TSPAN4: variants seen among roughly 807,000 people sequenced by gnomAD.
TSPAN4 encodes tetraspanin-4.
TSPAN4 carries 38 observed loss-of-function variants against 31.5 expected under a neutral mutation model. The observed-to-expected ratio is 1.21, with a 90% confidence interval of 0.93 to 1.58. The LOEUF (loss-of-function observed/expected upper bound fraction) is 1.58, where lower values mean the gene tolerates loss of function less well. Ranked by LOEUF, TSPAN4 falls within the 40% of genes most tolerant of loss-of-function variation. The pLI is 0.00. For synonymous variants in TSPAN4, 186 were observed against 144.6 expected (o/e 1.29, Z -2.06); for missense variants, 330 against 317.3 (o/e 1.04, Z -0.30).
chr11:864,825 G>C, intron 5 of TSPAN4: 2 of 504,318 alleles, frequency 4.0e-6, no homozygotes, highest in South Asian at 2.4e-5. Context: ...GCCGCGCACC[G>C]TGGGGTTCTC....
At chr11:843,715 C>T (rs997673864) in intron 1 of TSPAN4, 7 of 148,726 alleles carry the variant, frequency 4.7e-5, no homozygotes, top group African/African-American at 1.8e-4. Context: ...AAAGAAGGCT[C>T]CTTGGAGGTG....
intron 1 of TSPAN4, among the ~76,000 whole-genome samples, chr11:845,507 T>C (rs1260370135): frequency 6.6e-6 from 1 of 152,122 alleles, no homozygotes; most frequent in East Asian, 1.9e-4. Context: ...TATTTGGGAA[T>C]GTCACTGCCT....
chr11:862,393 C>G (rs1303554385), intron 3 of TSPAN4, 157 bp from the exon 4 acceptor site: 9 of 653,380 alleles, frequency 1.4e-5, no homozygotes, highest in Admixed American at 9.4e-5. Context: ...CTGGACACCC[C>G]CCCGGGCTGC....
At chr11:857,284 C>T (rs570466647) in intron 3 of TSPAN4, 12 of 152,370 alleles carry the variant, frequency 7.9e-5, no homozygotes, top group African/African-American at 2.9e-4. Flanking sequence ...CATGTCCTCC[C>T]TGTGTCCTTC....
Position 866,714 on chromosome 11 carries a change from C to T in TSPAN4, c.*84C>T, listed in dbSNP as rs891023196. ...CAGCTGCCTTTCCCACCACCAGCCT[C>T]GGTGCTCTGCCCCATGCTGGGAGGA... On this transcript the variant is annotated 3_prime_UTR_variant, in exon 9 of 9. Transcript: ENST00000397397. 1.7e-5 allele frequency: 23 copies of T among 1,335,684 alleles called. No homozygotes were observed. The highest frequency in any genetic ancestry group is 2.1e-5 in the Non-Finnish European group (20 of 973,058). 82.7% of individuals were successfully genotyped at this position (1,335,684 alleles called of 1,614,324 possible).
intron 3 of TSPAN4, among the ~76,000 whole-genome samples, chr11:861,301 A>G (rs917213415): frequency 6.6e-6 from 1 of 152,240 alleles, no homozygotes; most frequent in African/African-American, 2.4e-5. Context: ...TGTTCCCACC[A>G]GTGCCCATGT....
chr11:854,684 G>A (rs1847951530), intron 3 of TSPAN4, among the ~76,000 whole-genome samples: 1 of 152,234 alleles, frequency 6.6e-6, no homozygotes, highest in African/African-American at 2.4e-5. Flanking sequence ...GAAAGTCCTG[G>A]CTGCGCTTGA....
Position 865,796 on chromosome 11 carries a change from CT to C in TSPAN4, c.536del (p.Leu179ArgfsTer16). 2 of 1,612,554 alleles carry C rather than the reference CT, an allele frequency of 1.2e-6. No individual in the cohort carries two copies. The highest frequency in any genetic ancestry group is 3.3e-4 in the Middle Eastern group (2 of 6,060). On this transcript the variant is annotated frameshift_variant, in exon 7 of 9. Coordinates refer to ENST00000397397, the MANE Select transcript of TSPAN4 (RefSeq NM_003271.5). LOFTEE classifies it high-confidence loss of function. ...CTTGGAGTTCAGTGAGAGCTGTGGG[CT>C]GCACGCCCCCGGCACCTGGTGGAAG... Reference protein sequence around the residue: ...CCLEFSESCGLHAPGTWWKAP... With the variant: ...CCLEFSESCGXHAPGTWWKAP...
rs914303305 is a variant in TSPAN4, at chr11:866,861, C to G, written c.*231C>G. ...GTGGCCACGTGCTGGCTGCGGAACC[C>G]AGGGCAGGGGTGGGAGGGGCCTCCA... On this transcript the variant is annotated 3_prime_UTR_variant, in exon 9 of 9. Transcript: ENST00000397397. The G allele has an allele frequency of 7.8e-6, 4 of 515,128 alleles. No individual in the cohort carries two copies. The highest frequency in any genetic ancestry group is 3.2e-5 in the East Asian group (1 of 30,938). The allele number at this position is 515,128 out of a possible 1,614,324, so 31.9% of individuals were successfully genotyped here.
chr11:866,038 T>C (rs780350551), intron 8 of TSPAN4, 37 bp downstream of exon 8: 24 of 1,602,942 alleles, frequency 1.5e-5, no homozygotes, highest in Non-Finnish European at 2.0e-5. Context: ...CTGCCCCCAC[T>C]TTGTTAGGAC....
At chr11:849,760 TCCGCGCGGGGGCGGAG>T (rs1305224459) in intron 2 of TSPAN4, 2 of 105,572 alleles carry the variant, frequency 1.9e-5, no homozygotes, top group African/African-American at 3.6e-5. Context: ...AGGGGAGGGG[TCCGCGCGGGGGCGGAG>T]CCGCCGGGGA....
At position 866,821 on chromosome 11, in the gene TSPAN4, C is replaced by G. The variant is rs540056018; in HGVS notation, c.*191C>G. Reference sequence around the variant, plus strand: ...CTCAGGTGGCTTCAGGGCCTCCGGACCCCCCCTGGGAGGGGTGGCCACGTG... The same window carrying G: ...CTCAGGTGGCTTCAGGGCCTCCGGAGCCCCCCTGGGAGGGGTGGCCACGTG... On this transcript the variant is annotated 3_prime_UTR_variant, in exon 9 of 9. Transcript: ENST00000397397. The G allele has an allele frequency of 1.2e-5, 7 of 588,200 alleles. No homozygotes were observed. In the Admixed American group the frequency reaches 1.8e-4, roughly 15 times the overall value. 36.4% of individuals were successfully genotyped at this position (588,200 alleles called of 1,614,324 possible).
At chr11:855,917 C>T (rs1377460935) in intron 3 of TSPAN4, among the ~76,000 whole-genome samples, 1 of 152,216 alleles carries the variant, frequency 6.6e-6, no homozygotes, top group Admixed American at 6.5e-5. Flanking sequence ...CAGCCATCTG[C>T]CACAAAGCCG....
chr11:860,930 C>T (rs1207190299), intron 3 of TSPAN4, among the ~76,000 whole-genome samples: 2 of 152,210 alleles, frequency 1.3e-5, no homozygotes, highest in African/African-American at 4.8e-5. Context: ...CGTCTACCCA[C>T]CACCCACCTG....
At position 855,109 on chromosome 11, in the gene TSPAN4, T is replaced by A. The variant is rs144767006; in HGVS notation, c.63+4742T>A. ...TGCTGTTGGGGGTAGGTCAGACTTG[T>A]CCACCCAGTGACACAGGCCTGGCTC... is the stretch of plus-strand genomic sequence containing the variant. On this transcript the variant is annotated intron_variant, in intron 3 of 8. Coordinates refer to ENST00000397397, the MANE Select transcript of TSPAN4 (RefSeq NM_003271.5). Among the ~76,000 whole-genome samples, 138 of 152,142 alleles carry A rather than the reference T, an allele frequency of 9.1e-4. 2 individuals carry two copies. Among genetic ancestry groups the A allele is most frequent in the Non-Finnish European group, 1.5e-3 (101 of 67,960 alleles).
At chr11:859,140 G>GCA (rs1848261490) in intron 3 of TSPAN4, among the ~76,000 whole-genome samples, 1 of 98,886 alleles carries the variant, frequency 1.0e-5, no homozygotes, top group Non-Finnish European at 2.0e-5. Flanking sequence ...GCACCCCTGG[G>GCA]CTCACATGCA....
rs1380736402 is a variant in TSPAN4 at position 850,331 on chromosome 11, C to T, written c.27C>T (p.Val9=). The change falls in exon 3 of 9, where the codon GTC becomes GTT. Residue 9 remains valine (V), a synonymous_variant. Transcript: ENST00000397397. ...TGGCGCGCGCCTGCCTCCAGGCCGT[C>T]AAGTACCTCATGTTCGCCTTCAACC... The part of the protein sequence containing the change: MARACLQA[V]KYLMFAFNLL... 6.2e-7 allele frequency: 1 copy of T among 1,607,932 alleles called. No homozygotes were observed. Among genetic ancestry groups the T allele is most frequent in the South Asian group, 1.1e-5 (1 of 90,980 alleles).
At chr11:851,047 C>T (rs1227971838) in intron 3 of TSPAN4, among the ~76,000 whole-genome samples, 2 of 152,228 alleles carry the variant, frequency 1.3e-5, no homozygotes, top group Non-Finnish European at 2.9e-5. Context: ...GCAGTGGTGT[C>T]CGGGGGGGCC....
In TSPAN4 at chr11:851,348, C is replaced by G. The variant is rs115997846; in HGVS notation, c.63+981C>G. ...TTAATTCCTGAACCAGCTCCTGCAG[C>G]TGGGAGTCGGGGGTGTGGCCTCAGC... is the stretch of plus-strand genomic sequence containing the variant. On this transcript the variant is annotated intron_variant, in intron 3 of 8. Transcript: ENST00000397397. 2.7e-3 allele frequency among the ~76,000 whole-genome samples: 411 copies of G among 152,312 alleles called. 3 individuals are homozygous for G. Among genetic ancestry groups the G allele is most frequent in the African/African-American group, 9.5e-3 (393 of 41,556 alleles).
Sources: gnomAD v4.1 joint callset for allele counts (sites outside exome capture counted in the v4.1 genomes callset) on GRCh38, gnomAD v4.1.1 for gene constraint, MANE v1.5 for transcripts, NCBI Gene and HGNC (gene_info 2026-07-23, HGNC 2026-07-21) for gene names.